ITPR2: variants seen among roughly 807,000 people sequenced by gnomAD.
ITPR2 encodes the protein inositol 1,4,5-trisphosphate-gated calcium channel ITPR2.
Under a neutral mutation model 317.1 loss-of-function variants are expected in ITPR2, and 207 were observed. The observed-to-expected ratio is 0.65, with a 90% CI of 0.58 to 0.73. The LOEUF (loss-of-function observed/expected upper bound fraction) is 0.73. Among genes scored for constraint, ITPR2 ranks in the 30% least tolerant of loss-of-function variants. The pLI, the probability that ITPR2 is intolerant of heterozygous loss-of-function variation, is 0.00. For synonymous variants in ITPR2, 1,156 were observed against 1,149.1 expected (o/e 1.01, Z -0.12); for missense variants, 2,613 against 3,284.0 (o/e 0.80, Z 4.99).
chr12:26,477,848 G>C (rs1443861339), intron 43 of ITPR2, among the ~76,000 whole-genome samples: 1 of 152,146 alleles, frequency 6.6e-6, no homozygotes, highest in Non-Finnish European at 1.5e-5. Flanking sequence ...GTTTTTAACA[G>C]TGCTGGCATA....
intron 15 of ITPR2, among the ~76,000 whole-genome samples, chr12:26,661,307 T>C (rs559986861): frequency 1.3e-4 from 15 of 118,516 alleles, no homozygotes; most frequent in Non-Finnish European, 2.5e-4. Flanking sequence ...AACGGGCACG[T>C]GCACGAGCGC....
chr12:26,642,657 T>A (rs1477721128), intron 21 of ITPR2, among the ~76,000 whole-genome samples: 3 of 152,196 alleles, frequency 2.0e-5, no homozygotes, highest in Non-Finnish European at 4.4e-5. Context: ...GCAGCCAGCA[T>A]AGCACAAAGC....
chr12:26,391,468 A>C (rs1412226125), intron 54 of ITPR2, among the ~76,000 whole-genome samples: 2 of 151,738 alleles, frequency 1.3e-5, no homozygotes, highest in Non-Finnish European at 2.9e-5. Flanking sequence ...GAAATGGTAC[A>C]TCTGGCAGAA....
At chr12:26,790,900 G>A (rs932501940) in intron 1 of ITPR2, among the ~76,000 whole-genome samples, 1 of 152,112 alleles carries the variant, frequency 6.6e-6, no homozygotes, top group Non-Finnish European at 1.5e-5. Context: ...CTACCTCACA[G>A]TATTGTTAGA....
intron 37 of ITPR2, among the ~76,000 whole-genome samples, chr12:26,527,562 A>T (rs1471245522): frequency 6.6e-6 from 1 of 152,238 alleles, no homozygotes; most frequent in Non-Finnish European, 1.5e-5. Flanking sequence ...ACTGAAACGT[A>T]TCTACATTAA....
At chr12:26,728,580 T>C (rs1289684338) in intron 2 of ITPR2, among the ~76,000 whole-genome samples, 1 of 152,198 alleles carries the variant, frequency 6.6e-6, no homozygotes, top group Non-Finnish European at 1.5e-5. Context: ...AAAGCTTTCA[T>C]TGGTGGCAGT....
At chr12:26,728,960 A>G (rs956020101) in intron 2 of ITPR2, among the ~76,000 whole-genome samples, 10 of 152,226 alleles carry the variant, frequency 6.6e-5, no homozygotes, top group South Asian at 2.1e-4. Context: ...TGTTGGATGC[A>G]TAGTTTGCAA....
In ITPR2 at chr12:26,724,667, T is replaced by C. The variant is rs889679390; in HGVS notation, c.355A>G (p.Asn119Asp). The C allele has an allele frequency of 6.4e-7, 1 of 1,571,052 alleles. No individual in the cohort carries two copies. The highest frequency in any genetic ancestry group is 1.3e-5 in the African/African-American group (1 of 74,316). Residue 119 changes from asparagine to aspartate, a missense_variant, in exon 4 of 57, where the codon AAT becomes GAT. Asn to Asp is a conservative substitution (Grantham distance 23). Transcript: ENST00000381340. ...GAGAAAATACTTACTTGTATAACAT[T>C]ACTGTATTTTACAATTTCTCCCAAC... ...KLLGEIVKYS[N>D]VIQLLHIKSN... is the part of the protein sequence containing the mutation.
chr12:26,579,560 A>G (rs1336022370), intron 33 of ITPR2, among the ~76,000 whole-genome samples: 2 of 152,132 alleles, frequency 1.3e-5, no homozygotes, highest in Non-Finnish European at 2.9e-5. Context: ...TTTAATTACT[A>G]TATAATAAAC....
At position 26,561,945 on chromosome 12, in the gene ITPR2, A is replaced by AT. The variant is rs1300968166; in HGVS notation, c.4637dup (p.Asn1546LysfsTer15). 2.0e-6 allele frequency: 3 copies of AT among 1,509,698 alleles called. No individual in the cohort carries two copies. The highest frequency in any genetic ancestry group is 1.4e-5 in the South Asian group (1 of 73,304). The allele number at this position is 1,509,698 out of a possible 1,614,324, so 93.5% of individuals were successfully genotyped here. A position where few individuals can be genotyped will look rare whatever the true frequency, so the allele number is the denominator to read the frequency against. ...AATCCACTGGAATGGCAATTCCACG[A>AT]TTTTTTGCTGAAAAAGAAAGATTTA... On this transcript the variant is annotated frameshift_variant, in exon 35 of 57. Transcript: ENST00000381340. LOFTEE classifies it high-confidence loss of function.
chr12:26,576,297 A>G (rs929331427), intron 34 of ITPR2, among the ~76,000 whole-genome samples: 1 of 152,212 alleles, frequency 6.6e-6, no homozygotes, highest in African/African-American at 2.4e-5. Flanking sequence ...CTCAGAGATA[A>G]TCAATATTAA....
rs753089598 is a variant in ITPR2 at position 26,556,246 on chromosome 12, C to T, written c.4951G>A (p.Ala1651Thr). 5.6e-6 allele frequency: 9 copies of T among 1,613,482 alleles called. No individual in the cohort carries two copies. The highest frequency in any genetic ancestry group is 1.7e-5 in the Admixed American group (1 of 59,888). Reference protein sequence around the residue: ...EGSDARIRCGAFMSKLINHTK... With the variant: ...EGSDARIRCGTFMSKLINHTK... ...GGATCCACTTACTTCGACATGAAAG[C>T]GCCACATCTTATTCTTGCATCGCTT... is the stretch of plus-strand genomic sequence containing the variant. Residue 1651 changes from alanine to threonine, a missense_variant, in exon 36 of 57, where the codon GCT becomes ACT. Ala to Thr is a moderately conservative substitution (Grantham distance 58). Transcript: ENST00000381340.
At chr12:26,430,220 G>T (rs1018221360) in intron 48 of ITPR2, among the ~76,000 whole-genome samples, 3 of 152,188 alleles carry the variant, frequency 2.0e-5, no homozygotes, top group Non-Finnish European at 4.4e-5. Context: ...TCTATCTGAA[G>T]ATTCAATGCT....
At chr12:26,383,521 T>C (rs1010157583) in intron 55 of ITPR2, among the ~76,000 whole-genome samples, 3 of 152,138 alleles carry the variant, frequency 2.0e-5, no homozygotes, top group Admixed American at 6.6e-5. Flanking sequence ...TCTTGCTCTG[T>C]TGCCCAGGCT....
intron 55 of ITPR2, among the ~76,000 whole-genome samples, chr12:26,372,752 C>A (rs1468356634): frequency 6.6e-6 from 1 of 152,136 alleles, no homozygotes; most frequent in Non-Finnish European, 1.5e-5. Context: ...GGCAGTATGT[C>A]TTTGTTTTCT....
intron 45 of ITPR2, among the ~76,000 whole-genome samples, chr12:26,471,481 G>T (rs978063034): frequency 2.0e-5 from 3 of 152,162 alleles, no homozygotes; most frequent in African/African-American, 7.2e-5. Flanking sequence ...GAAATTCTCT[G>T]CACAACACTA....
At chr12:26,812,321 T>TA (rs1402247237) in intron 1 of ITPR2, among the ~76,000 whole-genome samples, 1 of 152,118 alleles carries the variant, frequency 6.6e-6, no homozygotes, top group Non-Finnish European at 1.5e-5. Context: ...CTCATGCCTG[T>TA]AATCCCAAGC....
At chr12:26,770,994 C>T (rs1294308673) in intron 2 of ITPR2, among the ~76,000 whole-genome samples, 1 of 152,132 alleles carries the variant, frequency 6.6e-6, no homozygotes, top group Non-Finnish European at 1.5e-5. Context: ...CATTTTCTGA[C>T]TGTGTCTTTA....
chr12:26,352,118 G>A (rs1186312015), intron 55 of ITPR2, among the ~76,000 whole-genome samples: 1 of 152,202 alleles, frequency 6.6e-6, no homozygotes, highest in Non-Finnish European at 1.5e-5. Flanking sequence ...CCAGTCTTCT[G>A]TGACAGAAGC....
Sources: allele counts gnomAD v4.1 joint callset (sites outside exome capture counted in the v4.1 genomes callset), GRCh38; gene constraint gnomAD v4.1.1; transcripts MANE v1.5; gene names NCBI Gene and HGNC (gene_info 2026-07-23, HGNC 2026-07-21).